GRIN2B: variants seen among roughly 807,000 people sequenced by gnomAD.
The protein encoded by GRIN2B is glutamate ionotropic receptor NMDA type subunit 2B, also known as glutamate receptor ionotropic, NMDA 2B.
A neutral mutation model predicts 114.5 loss-of-function variants in GRIN2B; 5 were observed. The ratio of observed to expected loss-of-function variants is 0.04; its 90% CI spans 0.02 to 0.09. GRIN2B has a LOEUF of 0.09. GRIN2B is among the 10% of genes least tolerant of loss of function. The pLI, the probability that GRIN2B is intolerant of heterozygous loss-of-function variation, is 1.00. For missense variants in GRIN2B, 1,108 were observed against 1,943.5 expected (o/e 0.57, Z 8.08); for synonymous variants, 787 against 745.1 (o/e 1.06, Z -0.92).
chr12:13,791,067 C>G (rs928898030), intron 3 of GRIN2B, among the ~76,000 whole-genome samples: 2 of 152,120 alleles, frequency 1.3e-5, no homozygotes, highest in Non-Finnish European at 2.9e-5. Flanking sequence ...GTGGCCTTCA[C>G]CTAATTCAGC....
chr12:13,717,106 C>A (rs942848048), intron 4 of GRIN2B, among the ~76,000 whole-genome samples: 2 of 114,218 alleles, frequency 1.8e-5, no homozygotes, highest in Non-Finnish European at 4.3e-5. Context: ...TGTGTGTATT[C>A]ACTCAATCAT....
At chr12:13,637,955 A>G (rs1949680236) in intron 5 of GRIN2B, among the ~76,000 whole-genome samples, 1 of 152,164 alleles carries the variant, frequency 6.6e-6, no homozygotes, top group South Asian at 2.1e-4. Context: ...TGACCTGCAA[A>G]TAAGTGTTAT....
At chr12:13,981,773 G>C (rs995115638), upstream of GRIN2B, 1 of 152,198 alleles carries the variant, frequency 6.6e-6, no homozygotes, top group East Asian at 2.0e-4. Context: ...AGCAGGAGGG[G>C]AGGAGGGGAG....
At chr12:13,748,794 G>A (rs1432798205) in intron 4 of GRIN2B, among the ~76,000 whole-genome samples, 1 of 152,176 alleles carries the variant, frequency 6.6e-6, no homozygotes, top group Non-Finnish European at 1.5e-5. Flanking sequence ...ATTCAAAGTA[G>A]GGTTGCCAGA....
chr12:13,579,317 A>C (rs1188260699), intron 10 of GRIN2B, among the ~76,000 whole-genome samples: 3 of 152,184 alleles, frequency 2.0e-5, no homozygotes, highest in Non-Finnish European at 4.4e-5. Flanking sequence ...TCATAATATA[A>C]GGGATGAGAA....
chr12:13,638,121 A>G (rs1949681702), intron 5 of GRIN2B, among the ~76,000 whole-genome samples: 1 of 152,160 alleles, frequency 6.6e-6, no homozygotes, highest in Non-Finnish European at 1.5e-5. Context: ...CAAAGACAAC[A>G]TAAGAGAAAA....
intron 2 of GRIN2B, among the ~76,000 whole-genome samples, chr12:13,909,531 G>GA (rs1457899201): frequency 6.6e-6 from 1 of 152,162 alleles, no homozygotes; most frequent in Non-Finnish European, 1.5e-5. Context: ...AAATCTCAGG[G>GA]AAAAATATCA....
At chr12:13,671,323 A>G (rs1178180992) in intron 5 of GRIN2B, among the ~76,000 whole-genome samples, 1 of 152,164 alleles carries the variant, frequency 6.6e-6, no homozygotes, top group East Asian at 1.9e-4. Flanking sequence ...CTCAGGTAGT[A>G]TCCATCACTA....
chr12:13,962,331 C>G (rs1867709637), intron 2 of GRIN2B, among the ~76,000 whole-genome samples: 1 of 152,228 alleles, frequency 6.6e-6, no homozygotes, highest in African/African-American at 2.4e-5. Context: ...GACCCAATGC[C>G]TTAAATATAT....
Position 13,885,297 on chromosome 12 carries a change from T to A in GRIN2B, c.-18-19071A>T, listed in dbSNP as rs77273418. On this transcript the variant is annotated intron_variant, in intron 2 of 13. Coordinates refer to ENST00000609686, the MANE Select transcript of GRIN2B (RefSeq NM_000834.5). Reference sequence around the variant, plus strand: ...CCTATAGACAATGAAAGACAAATATTAAACCACAAAAAAGAGCAGTTAGGG... The same window carrying A: ...CCTATAGACAATGAAAGACAAATATAAAACCACAAAAAAGAGCAGTTAGGG... Among the ~76,000 whole-genome samples, 409 of 152,202 alleles carry A rather than the reference T, an allele frequency of 2.7e-3. 2 individuals are homozygous for A. Among genetic ancestry groups the A allele is most frequent in the Non-Finnish European group, 3.7e-3 (249 of 67,990 alleles).
chr12:13,763,004 A>G (rs1863710043), intron 3 of GRIN2B, among the ~76,000 whole-genome samples: 2 of 152,138 alleles, frequency 1.3e-5, no homozygotes, highest in Non-Finnish European at 2.9e-5. Context: ...GCTGTTCACA[A>G]TCAAAGAGGC....
chr12:13,720,803 A>C (rs1194603250), intron 4 of GRIN2B, among the ~76,000 whole-genome samples: 1 of 152,142 alleles, frequency 6.6e-6, no homozygotes, highest in Non-Finnish European at 1.5e-5. Flanking sequence ...CTGCTCTTGC[A>C]GGGTAAGTAC....
chr12:13,734,137 C>A (rs1306075424), intron 4 of GRIN2B, among the ~76,000 whole-genome samples: 1 of 152,122 alleles, frequency 6.6e-6, no homozygotes, highest in African/African-American at 2.4e-5. Context: ...CTAAATGAAG[C>A]CCCCATAGGT....
Position 13,576,896 on chromosome 12 carries a change from A to G in GRIN2B, c.2011-4932T>C, listed in dbSNP as rs74889010. The stretch of plus-strand genomic sequence containing the variant: ...ACCTTTGGTCATAGAGCTTCCTTGA[A>G]TGTGGAATCTTTTTCTAGGAGTCAC... On this transcript the variant is annotated intron_variant, in intron 10 of 13. Coordinates refer to ENST00000609686, the MANE Select transcript of GRIN2B (RefSeq NM_000834.5). 5.9e-3 allele frequency among the ~76,000 whole-genome samples: 897 copies of G among 152,274 alleles called. 8 individuals are homozygous for G. The highest frequency in any genetic ancestry group is 0.02 in the African/African-American group (838 of 41,566).
intron 3 of GRIN2B, 77 bp downstream of exon 3, chr12:13,865,721 G>C: frequency 8.1e-7 from 1 of 1,236,610 alleles, no homozygotes; most frequent in South Asian, 1.2e-5. Flanking sequence ...TAACAATCAA[G>C]TTTTACAGGA....
At chr12:13,594,957 T>C (rs1291323556) in intron 10 of GRIN2B, among the ~76,000 whole-genome samples, 4 of 152,204 alleles carry the variant, frequency 2.6e-5, no homozygotes, top group Non-Finnish European at 5.9e-5. Context: ...GAAATGCCCC[T>C]TACTACTGCA....
Position 13,543,841 on chromosome 12 carries a change from C to G in GRIN2B, c.*18942G>C, listed in dbSNP as rs544129566. On this transcript the variant is annotated 3_prime_UTR_variant, in exon 14 of 14. Coordinates refer to ENST00000609686, the MANE Select transcript of GRIN2B (RefSeq NM_000834.5). ...ATTATCCCATTTACCAGCCCACTTGCATCTGTGCCCAAATGCACTATCTCC... is the reference window on the plus strand; with the variant it reads ...ATTATCCCATTTACCAGCCCACTTGGATCTGTGCCCAAATGCACTATCTCC... 1 of 152,330 alleles carries G rather than the reference C, an allele frequency of 6.6e-6. No individual in the cohort carries two copies. The highest frequency in any genetic ancestry group is 2.1e-4 in the South Asian group (1 of 4,820). 9.4% of individuals were successfully genotyped at this position (152,330 alleles called of 1,614,324 possible). A position where few individuals can be genotyped will look rare whatever the true frequency, so the allele number is the denominator to read the frequency against.
chr12:13,870,078 TG>T (rs1354609948), intron 2 of GRIN2B, among the ~76,000 whole-genome samples: 4 of 152,232 alleles, frequency 2.6e-5, no homozygotes, highest in Admixed American at 2.6e-4. Context: ...GGTGAAAGAA[TG>T]GCAGACAGAG....
rs1005634062 is a variant in GRIN2B, at chr12:13,553,756, C to T, written c.*9027G>A. On this transcript the variant is annotated 3_prime_UTR_variant, in exon 14 of 14. Transcript: ENST00000609686. ...AGACTCAATCTTGGTAGTAAAGTGT[C>T]TGGATACAAGCTCTACCCAAAGCAT... 6.6e-6 allele frequency: 1 copy of T among 152,162 alleles called. No individual in the cohort carries two copies. The highest frequency in any genetic ancestry group is 2.4e-5 in the African/African-American group (1 of 41,442). 9.4% of individuals were successfully genotyped at this position (152,162 alleles called of 1,614,324 possible). A position where few individuals can be genotyped will look rare whatever the true frequency, so the allele number is the denominator to read the frequency against.
Sources: gnomAD v4.1 joint callset for allele counts (sites outside exome capture counted in the v4.1 genomes callset) on GRCh38, gnomAD v4.1.1 for gene constraint, MANE v1.5 for transcripts, NCBI Gene and HGNC (gene_info 2026-07-23, HGNC 2026-07-21) for gene names.